The following DOCK3 variants were observed in gnomAD, a reference collection of about 807,000 sequenced individuals.
DOCK3 encodes dedicator of cytokinesis protein 3.
Under a neutral mutation model 265.6 loss-of-function variants are expected in DOCK3, and 60 were observed. The observed-to-expected ratio is 0.23, with a 90% CI of 0.18 to 0.28. The LOEUF (loss-of-function observed/expected upper bound fraction) is 0.28, where lower values mean the gene tolerates loss of function less well. Among genes scored for constraint, DOCK3 ranks in the 10% least tolerant of loss-of-function variants. The pLI is 1.00. For synonymous variants in DOCK3, 881 were observed against 938.0 expected, an observed-to-expected ratio of 0.94 and a Z score of 1.11; for missense variants, 1,981 against 2,594.3, an observed-to-expected ratio of 0.76 and a Z score of 5.14.
chr3:50,948,618 CCTTTT>C (rs1290440540), intron 5 of DOCK3, among the ~76,000 whole-genome samples: 1 of 148,448 alleles, frequency 6.7e-6, no homozygotes, highest in Non-Finnish European at 1.5e-5. Context: ...CTTTTCTTTT[CCTTTT>C]CTTTTCTTTC....
chr3:51,200,619 C>T (rs1397102082), intron 12 of DOCK3, among the ~76,000 whole-genome samples: 2 of 151,888 alleles, frequency 1.3e-5, no homozygotes, highest in Non-Finnish European at 1.5e-5. Flanking sequence ...TCCAGGAGAA[C>T]TTCCCCAATC....
At chr3:50,828,594 G>A (rs748961267) in intron 2 of DOCK3, among the ~76,000 whole-genome samples, 13 of 151,546 alleles carry the variant, frequency 8.6e-5, no homozygotes, top group Middle Eastern at 3.5e-3. Context: ...TAGTAGAGAT[G>A]GGGTTTCACC....
chr3:51,341,476 G>A lies in DOCK3; in HGVS notation c.3915+91G>A, dbSNP rs150701632. The A allele has an allele frequency of 1.5e-3, 2,251 of 1,547,784 alleles. 37 individuals carry two copies. In the African/African-American group the frequency reaches 0.027, roughly 18 times the overall value. The stretch of plus-strand genomic sequence containing the variant: ...CATAGGGTTAACAGCAGCTGCAGGG[G>A]GTAGTGTGTGGGGTGGTGAGTGGGT... On this transcript the variant is annotated intron_variant, in intron 38 of 52. Coordinates refer to ENST00000266037, the MANE Select transcript of DOCK3 (RefSeq NM_004947.5).
chr3:50,987,960 C>T (rs898120599), intron 5 of DOCK3, among the ~76,000 whole-genome samples: 7 of 152,110 alleles, frequency 4.6e-5, no homozygotes, highest in African/African-American at 1.2e-4. Context: ...TTTGGGCTTT[C>T]GGGCAAAAGT....
At chr3:51,272,809 G>A (rs2080580874) in intron 24 of DOCK3, among the ~76,000 whole-genome samples, 1 of 151,888 alleles carries the variant, frequency 6.6e-6, no homozygotes. Flanking sequence ...TTTTATTAAT[G>A]GTTTGGGGCA....
chr3:50,811,713 A>T (rs1044099334), intron 2 of DOCK3, among the ~76,000 whole-genome samples: 1 of 152,198 alleles, frequency 6.6e-6, no homozygotes, highest in Non-Finnish European at 1.5e-5. Context: ...TTAGGGGGTT[A>T]TTACAGTTAT....
chr3:50,873,024 A>G (rs192041962), intron 3 of DOCK3, among the ~76,000 whole-genome samples: 1 of 152,224 alleles, frequency 6.6e-6, no homozygotes, highest in African/African-American at 2.4e-5. Context: ...TTTGTTCTGT[A>G]CCCACCCATG....
intron 1 of DOCK3, among the ~76,000 whole-genome samples, chr3:50,700,802 A>G (rs886656710): frequency 1.3e-5 from 2 of 152,192 alleles, no homozygotes; most frequent in Admixed American, 6.5e-5. Context: ...GATACTCGGT[A>G]GTGAGATTGC....
chr3:51,041,076 T>C (rs541538504), intron 5 of DOCK3, among the ~76,000 whole-genome samples: 4 of 148,284 alleles, frequency 2.7e-5, no homozygotes, highest in South Asian at 4.3e-4. Context: ...TCTAGAATAG[T>C]GAATCCTTTC....
intron 1 of DOCK3, among the ~76,000 whole-genome samples, chr3:50,719,227 TCTTA>T (rs532132881): frequency 6.6e-5 from 10 of 152,136 alleles, no homozygotes; most frequent in African/African-American, 9.6e-5. Context: ...TCTATTATAC[TCTTA>T]CTTGTTTTTT....
At position 51,330,220 on chromosome 3, in the gene DOCK3, T is replaced by C. The variant is rs2084423798; in HGVS notation, c.3485T>C (p.Leu1162Pro). The C allele has an allele frequency of 6.3e-7, 1 of 1,592,258 alleles. No homozygotes were observed. Among genetic ancestry groups the C allele is most frequent in the Non-Finnish European group, 8.6e-7 (1 of 1,169,316 alleles). Residue 1162 changes from leucine to proline, a missense_variant, in exon 33 of 53, where the codon CTA becomes CCA. Leu to Pro is a moderately conservative substitution (Grantham distance 98, BLOSUM62 -3). Transcript: ENST00000266037. ...GDESYRELFS[L>P]LTQLFGPYPS... ...GAGAGCTACAGGGAGCTCTTCAGCCTACTGTAAGCTGCTCCAGCCCCAGGC... is the reference window on the plus strand; with the variant it reads ...GAGAGCTACAGGGAGCTCTTCAGCCCACTGTAAGCTGCTCCAGCCCCAGGC...
intron 12 of DOCK3, among the ~76,000 whole-genome samples, chr3:51,199,757 T>G (rs1222908572): frequency 6.6e-6 from 1 of 152,188 alleles, no homozygotes; most frequent in Admixed American, 6.5e-5. Context: ...CCCTGACCCC[T>G]GAGCAGCCTA....
intron 12 of DOCK3, among the ~76,000 whole-genome samples, chr3:51,179,864 A>G (rs933005934): frequency 1.3e-5 from 2 of 152,030 alleles, no homozygotes; most frequent in African/African-American, 4.8e-5. Context: ...GTGAGCCATG[A>G]TTATGGCACT....
intron 12 of DOCK3, among the ~76,000 whole-genome samples, chr3:51,169,838 G>C (rs890139289): frequency 4.0e-5 from 6 of 151,548 alleles, no homozygotes; most frequent in Non-Finnish European, 5.9e-5. Flanking sequence ...TTTAACCATC[G>C]TGCTATCCCA....
chr3:51,209,282 A>G (rs2108147527), intron 13 of DOCK3, among the ~76,000 whole-genome samples: 1 of 152,296 alleles, frequency 6.6e-6, no homozygotes, highest in African/African-American at 2.4e-5. Context: ...GACTGACCAT[A>G]ATGAGAATCA....
chr3:51,146,597 A>G lies in DOCK3; in HGVS notation c.795A>G (p.Pro265=), dbSNP rs1359484504. The G allele has an allele frequency of 7.5e-6, 12 of 1,597,976 alleles. No individual in the cohort carries two copies. The highest frequency in any genetic ancestry group is 1.0e-5 in the Non-Finnish European group (12 of 1,171,754). Residue 265 remains proline (P), a synonymous_variant, in exon 10 of 53, where the codon CCA becomes CCG. Coordinates refer to ENST00000266037, the MANE Select transcript of DOCK3 (RefSeq NM_004947.5). ...RLNKNGGPRN[P]EKIERMCALF... The stretch of plus-strand genomic sequence containing the variant: ...ACAAGAATGGTGGGCCGAGGAACCC[A>G]GAGAAGATAGAACGAATGTGTGCCC...
chr3:50,787,812 C>A, intron 2 of DOCK3: 2 of 1,126,844 alleles, frequency 1.8e-6, no homozygotes, highest in South Asian at 1.2e-5. Flanking sequence ...TGGCCCCTTC[C>A]TCTCTCTCTT....
At position 51,248,427 on chromosome 3, in the gene DOCK3, G is replaced by A. The variant is rs553602952; in HGVS notation, c.2184+1620G>A. ...CCGGGCTGGTCTCCAGCTCCTAACC[G>A]CGAGTGATCCACCAGCCTCGGCCTC... On this transcript the variant is annotated intron_variant, in intron 22 of 52. Coordinates refer to ENST00000266037, the MANE Select transcript of DOCK3 (RefSeq NM_004947.5). Among the ~76,000 whole-genome samples, 32 of 152,356 alleles carry A rather than the reference G, an allele frequency of 2.1e-4. No homozygotes were observed. In the East Asian group the frequency reaches 3.1e-3, roughly 15 times the overall value.
At chr3:50,731,475 A>G (rs1576268992) in intron 1 of DOCK3, among the ~76,000 whole-genome samples, 2 of 152,348 alleles carry the variant, frequency 1.3e-5, no homozygotes, top group East Asian at 1.9e-4. Flanking sequence ...GGGTGAAGTT[A>G]TACATGTGTA....
Sources: allele counts gnomAD v4.1 joint callset (sites outside exome capture counted in the v4.1 genomes callset), GRCh38; gene constraint gnomAD v4.1.1; transcripts MANE v1.5; gene names NCBI Gene and HGNC (gene_info 2026-07-23, HGNC 2026-07-21).